RASGRF2: variants seen among roughly 807,000 people sequenced by gnomAD.
RASGRF2 encodes the protein ras-specific guanine nucleotide-releasing factor 2.
Under a neutral mutation model 151.0 loss-of-function variants are expected in RASGRF2, and 76 were observed. The observed-to-expected ratio is 0.50, with a 90% CI of 0.42 to 0.61. RASGRF2 has a LOEUF of 0.61. Ranked by LOEUF, RASGRF2 falls within the 20% of genes least tolerant of loss-of-function variation. The pLI is 0.00. For missense variants in RASGRF2, 1,148 were observed against 1,564.6 expected (o/e 0.73, Z 4.49); for synonymous variants, 504 against 566.5 (o/e 0.89, Z 1.57).
chr5:81,136,430 G>GTT (rs147720846), intron 17 of RASGRF2, among the ~76,000 whole-genome samples: 1 of 152,010 alleles, frequency 6.6e-6, no homozygotes, highest in Non-Finnish European at 1.5e-5. Flanking sequence ...TAGCTTGGTG[G>GTT]TTTTTTTCTT....
At chr5:81,046,396 A>G (rs1750837664) in intron 2 of RASGRF2, among the ~76,000 whole-genome samples, 1 of 152,084 alleles carries the variant, frequency 6.6e-6, no homozygotes, top group African/African-American at 2.4e-5. Flanking sequence ...GAAAAAAAAA[A>G]TCGTTTTGGA....
chr5:81,052,021 C>G (rs1751027988), intron 2 of RASGRF2, among the ~76,000 whole-genome samples: 1 of 152,150 alleles, frequency 6.6e-6, no homozygotes, highest in African/African-American at 2.4e-5. Context: ...TTTATACGTT[C>G]TCATATATAA....
Position 81,112,627 on chromosome 5 carries a change from A to C in RASGRF2, c.1856A>C (p.His619Pro), listed in dbSNP as rs1303901766. 6.2e-7 allele frequency: 1 copy of C among 1,614,214 alleles called. No individual in the cohort carries two copies. Among genetic ancestry groups the C allele is most frequent in the African/African-American group, 1.3e-5 (1 of 75,066 alleles). ...GCACGTAGGTCTGATGCCCGTCTTCATAAAGACGACACTGACATTTGCTTC... is the reference window on the plus strand; with the variant it reads ...GCACGTAGGTCTGATGCCCGTCTTCCTAAAGACGACACTGACATTTGCTTC... ...PHMIKSDARLHKDDTDICFSK... is the reference protein window; with the variant it reads ...PHMIKSDARLPKDDTDICFSK... Residue 619 changes from histidine to proline, a missense_variant, in exon 14 of 27, where the codon CAT becomes CCT. Physicochemically the swap from His to Pro is moderately conservative, Grantham distance 77. This residue lies in a region of RASGRF2 where 646 missense variants were observed against 807.4 expected (regional missense o/e 0.80). Coordinates refer to ENST00000265080, the MANE Select transcript of RASGRF2 (RefSeq NM_006909.3).
intron 1 of RASGRF2, among the ~76,000 whole-genome samples, chr5:81,020,054 A>G (rs1264349707): frequency 2.0e-5 from 3 of 152,248 alleles, no homozygotes; most frequent in South Asian, 2.1e-4. Flanking sequence ...CAGAAAACAC[A>G]TTATAATAAA....
At position 81,085,813 on chromosome 5, in the gene RASGRF2, T is replaced by C. The variant is rs1356280511; in HGVS notation, c.1173T>C (p.Tyr391=). The C allele has an allele frequency of 5.6e-6, 9 of 1,614,004 alleles. No homozygotes were observed. In the Admixed American group the frequency reaches 6.7e-5, roughly 12 times the overall value. The change falls in exon 8 of 27, where the codon TAT becomes TAC. Residue 391 remains tyrosine, a synonymous_variant. Coordinates refer to ENST00000265080, the MANE Select transcript of RASGRF2 (RefSeq NM_006909.3). ...LTYPMFQIPR[Y]IITLHELLAH... ...CTGTTTGCATCTAGATCCCCAGATA[T>C]ATCATCACACTCCATGAGCTCCTTG...
At chr5:81,090,126 C>G (rs76221958) in intron 9 of RASGRF2, among the ~76,000 whole-genome samples, 3,134 of 152,256 alleles carry the variant, frequency 0.021, 100 homozygotes, top group African/African-American at 0.073. Flanking sequence ...CTAAGTCATG[C>G]GCTTTCAATG....
At chr5:81,015,316 G>A (rs1749594881) in intron 1 of RASGRF2, among the ~76,000 whole-genome samples, 1 of 152,026 alleles carries the variant, frequency 6.6e-6, no homozygotes, top group South Asian at 2.1e-4. Flanking sequence ...GGTATTTCTG[G>A]TTCTAGATCC....
intron 1 of RASGRF2, among the ~76,000 whole-genome samples, chr5:81,007,710 C>A (rs1315669038): frequency 1.3e-5 from 2 of 152,112 alleles, no homozygotes; most frequent in Middle Eastern, 3.2e-3. Flanking sequence ...GCTGCCCCTC[C>A]ACGATAACTG....
chr5:81,147,098 G>A (rs565607561), intron 17 of RASGRF2, among the ~76,000 whole-genome samples: 1 of 152,218 alleles, frequency 6.6e-6, no homozygotes, highest in South Asian at 2.1e-4. Flanking sequence ...ACTCCTGCAC[G>A]CTATATAATA....
chr5:81,062,166 A>AT (rs1751463435), intron 2 of RASGRF2, among the ~76,000 whole-genome samples: 2 of 152,170 alleles, frequency 1.3e-5, no homozygotes, highest in Middle Eastern at 3.4e-3. Flanking sequence ...TCATGCATTT[A>AT]TTAGTCATTT....
chr5:81,131,088 G>T (rs73768013), intron 17 of RASGRF2, among the ~76,000 whole-genome samples: 5,111 of 152,172 alleles, frequency 0.034, 294 homozygotes, highest in African/African-American at 0.12. Context: ...TTAACTCTAG[G>T]CATTTGTATA....
At chr5:81,051,021 A>G (rs1750992384) in intron 2 of RASGRF2, among the ~76,000 whole-genome samples, 1 of 152,160 alleles carries the variant, frequency 6.6e-6, no homozygotes, top group Non-Finnish European at 1.5e-5. Context: ...CATTTTCTTG[A>G]TTATTGATAA....
intron 17 of RASGRF2, among the ~76,000 whole-genome samples, chr5:81,143,858 C>A (rs1211087686): frequency 6.7e-6 from 1 of 150,346 alleles, no homozygotes; most frequent in Non-Finnish European, 1.5e-5. Context: ...CCACTGTATT[C>A]CAGCCTGGGC....
rs1162013070 is a variant in RASGRF2 at position 81,219,736 on chromosome 5, C to G, written c.3579C>G (p.Arg1193=). 1.2e-6 allele frequency: 2 copies of G among 1,611,362 alleles called. No individual in the cohort carries two copies. The highest frequency in any genetic ancestry group is 1.7e-5 in the Admixed American group (1 of 59,986). Residue 1193 remains arginine, a synonymous_variant, in exon 26 of 27, where the codon CGC becomes CGG. Coordinates refer to ENST00000265080, the MANE Select transcript of RASGRF2 (RefSeq NM_006909.3). ...RMISHIIREI[R]QFQQTSYRID... ...TATCACACATCATCAGAGAGATACGCCAGTTCCAGCAGACTTCCTACAGAA... is the reference window on the plus strand; with the variant it reads ...TATCACACATCATCAGAGAGATACGGCAGTTCCAGCAGACTTCCTACAGAA...
At position 81,173,160 on chromosome 5, in the gene RASGRF2, T is replaced by C. The variant is rs187861209; in HGVS notation, c.2687-7015T>C. On this transcript the variant is annotated intron_variant, in intron 17 of 26. Coordinates refer to ENST00000265080, the MANE Select transcript of RASGRF2 (RefSeq NM_006909.3). ...GGGAGGCCAAGGCAGGTGGATCACCTGAGGTTAGGAGTTCGCAACCACCCT... is the reference window on the plus strand; with the variant it reads ...GGGAGGCCAAGGCAGGTGGATCACCCGAGGTTAGGAGTTCGCAACCACCCT... 4.6e-4 allele frequency among the ~76,000 whole-genome samples: 70 copies of C among 152,228 alleles called. No individual in the cohort carries two copies. In the East Asian group the frequency reaches 0.013, roughly 28 times the overall value.
intron 26 of RASGRF2, among the ~76,000 whole-genome samples, chr5:81,224,646 A>G (rs1176126084): frequency 3.3e-5 from 5 of 152,232 alleles, no homozygotes; most frequent in African/African-American, 9.6e-5. Context: ...GTGTCCATCA[A>G]CAGATGAATG....
chr5:81,084,749 T>C (rs1426442369), intron 7 of RASGRF2, among the ~76,000 whole-genome samples: 3 of 152,180 alleles, frequency 2.0e-5, no homozygotes, highest in Non-Finnish European at 4.4e-5. Context: ...GCACACAGGG[T>C]CCTGGAAAGC....
chr5:81,024,278 A>T (rs112801953), intron 1 of RASGRF2, among the ~76,000 whole-genome samples: 335 of 32,982 alleles, frequency 0.01, 2 homozygotes, highest in African/African-American at 0.036. Context: ...TTTTTTTTTG[A>T]GACAGAAGTT....
At chr5:81,189,278 G>C (rs942787662) in intron 18 of RASGRF2, among the ~76,000 whole-genome samples, 6 of 152,186 alleles carry the variant, frequency 3.9e-5, no homozygotes, top group African/African-American at 1.4e-4. Context: ...GTGAGATGCT[G>C]CCCACTGCTC....
Sources: allele counts gnomAD v4.1 joint callset (sites outside exome capture counted in the v4.1 genomes callset), GRCh38; gene constraint gnomAD v4.1.1; regional missense constraint gnomAD v4.1.1; transcripts MANE v1.5; gene names NCBI Gene and HGNC (gene_info 2026-07-23, HGNC 2026-07-21).